The following BCL2L14 variants were observed in gnomAD, a reference collection of about 807,000 sequenced individuals.
BCL2L14 encodes the protein BCL2 like 14.
Under a neutral mutation model 35.3 loss-of-function variants are expected in BCL2L14, and 27 were observed. The observed-to-expected ratio is 0.76, with a 90% confidence interval of 0.56 to 1.05. The LOEUF is 1.05. Ranked by LOEUF, BCL2L14 falls within the 50% of genes least tolerant of loss-of-function variation. The pLI is 0.00. For missense variants in BCL2L14, 377 were observed against 382.6 expected, an observed-to-expected ratio of 0.99 and a Z score of 0.12; for synonymous variants, 139 against 145.9, an observed-to-expected ratio of 0.95 and a Z score of 0.34.
intron 5 of BCL2L14, chr12:12,096,072 C>A: frequency 4.1e-6 from 4 of 985,342 alleles, no homozygotes; most frequent in Non-Finnish European, 4.8e-6. Flanking sequence ...CCCTCATCTG[C>A]CCCAAAGCCT....
chr12:12,077,553 AAGAG>A (rs1003617818), intron 1 of BCL2L14, among the ~76,000 whole-genome samples: 12 of 151,220 alleles, frequency 7.9e-5, no homozygotes, highest in Admixed American at 7.3e-4. Context: ...AAAAAAAAAA[AAGAG>A]AGCCTGGGGC....
upstream of BCL2L14, among the ~76,000 whole-genome samples, chr12:12,070,449 C>T (rs1425392629): frequency 6.6e-6 from 1 of 152,120 alleles, no homozygotes; most frequent in Non-Finnish European, 1.5e-5. Context: ...CTTTGGGAGG[C>T]CGAGGAGGGC....
chr12:12,072,729 G>A (rs1948693630), intron 1 of BCL2L14, among the ~76,000 whole-genome samples: 1 of 152,150 alleles, frequency 6.6e-6, no homozygotes, highest in Non-Finnish European at 1.5e-5. Context: ...TACAATTTCT[G>A]TAGGAAGAGC....
intron 1 of BCL2L14, chr12:12,051,741 A>C (rs1411663575): frequency 6.6e-6 from 1 of 152,212 alleles, no homozygotes; most frequent in East Asian, 1.9e-4. Context: ...TATGCAAAGC[A>C]CCATGCTTGT....
chr12:12,057,900 G>T (rs1266451417), intron 2 of BCL2L14, among the ~76,000 whole-genome samples: 1 of 151,516 alleles, frequency 6.6e-6, no homozygotes, highest in Admixed American at 6.6e-5. Context: ...TGCCTCATGT[G>T]CTCGTGTGAC....
chr12:12,074,024 C>G (rs1011166204), intron 1 of BCL2L14, among the ~76,000 whole-genome samples: 1 of 152,004 alleles, frequency 6.6e-6, no homozygotes, highest in Admixed American at 6.6e-5. Context: ...TGCAAGACAG[C>G]CAGTTATGTT....
At position 12,079,619 on chromosome 12, in the gene BCL2L14, C is replaced by G; in HGVS notation, c.314C>G (p.Ser105Trp). ...AFFGVVEKED[S>W]QSTPAKVSAQ... ...TTTGGAGTAGTGGAGAAGGAAGATT[C>G]GCAGAGCACGCCTGCCAAGGTCTCT... The change falls in exon 2 of 6, where the codon TCG becomes TGG. Residue 105 changes from serine (S) to tryptophan (W), a missense_variant. Coordinates refer to ENST00000308721, the MANE Select transcript of BCL2L14 (RefSeq NM_138723.2). 1 of 1,614,184 alleles carries G rather than the reference C, an allele frequency of 6.2e-7. No individual in the cohort carries two copies. The highest frequency in any genetic ancestry group is 8.5e-7 in the Non-Finnish European group (1 of 1,180,044).
intron 1 of BCL2L14, among the ~76,000 whole-genome samples, chr12:12,075,214 C>T (rs111989601): frequency 6.6e-6 from 1 of 151,928 alleles, no homozygotes; most frequent in Non-Finnish European, 1.5e-5. Flanking sequence ...CCTTTGCCTC[C>T]CAGGTTCAAG....
intron 5 of BCL2L14, among the ~76,000 whole-genome samples, chr12:12,098,242 A>G (rs1167780679): frequency 2.0e-5 from 3 of 152,168 alleles, no homozygotes. Flanking sequence ...CTGTCCTTGT[A>G]GTAGTGTGGG....
At chr12:12,091,257 G>T (rs1591835070) in intron 4 of BCL2L14, among the ~76,000 whole-genome samples, 1 of 152,208 alleles carries the variant, frequency 6.6e-6, no homozygotes, top group East Asian at 1.9e-4. Flanking sequence ...ATACTTTCTG[G>T]AATCTTTTTC....
chr12:12,075,436 T>TC (rs1555089781), intron 1 of BCL2L14, among the ~76,000 whole-genome samples: 7 of 89,836 alleles, frequency 7.8e-5, no homozygotes, highest in Non-Finnish European at 1.6e-4. Context: ...TTTCTTTCTT[T>TC]TTTTTTTGAG....
intron 2 of BCL2L14, among the ~76,000 whole-genome samples, chr12:12,062,624 G>A (rs1407002808): frequency 1.3e-5 from 2 of 151,514 alleles, no homozygotes; most frequent in African/African-American, 4.9e-5. Flanking sequence ...TACTCAACAT[G>A]CCCTGAGTCA....
intron 2 of BCL2L14, among the ~76,000 whole-genome samples, chr12:12,084,349 T>C (rs543890769): frequency 2.0e-5 from 3 of 152,184 alleles, no homozygotes; most frequent in East Asian, 1.9e-4. Context: ...CCAGGGAATA[T>C]AGTTTGTTCA....
chr12:12,087,165 G>C, intron 2 of BCL2L14, 48 bp from the exon 3 acceptor site: 2 of 1,594,576 alleles, frequency 1.3e-6, no homozygotes, highest in South Asian at 2.2e-5. Flanking sequence ...CAATGAGCCA[G>C]ATGAAGTTCT....
chr12:12,081,637 C>G (rs1026944932), intron 2 of BCL2L14, among the ~76,000 whole-genome samples: 2 of 151,556 alleles, frequency 1.3e-5, no homozygotes, highest in African/African-American at 4.8e-5. Flanking sequence ...CGGCTCACTG[C>G]AAGCTCCGCC....
intron 2 of BCL2L14, among the ~76,000 whole-genome samples, chr12:12,085,716 C>T (rs1949028173): frequency 6.6e-6 from 1 of 152,146 alleles, no homozygotes; most frequent in Non-Finnish European, 1.5e-5. Context: ...CTGAAGCCTT[C>T]AGCTTGGAGG....
chr12:12,091,773 G>A (rs1247178164), intron 4 of BCL2L14, among the ~76,000 whole-genome samples: 2 of 152,194 alleles, frequency 1.3e-5, no homozygotes, highest in Admixed American at 1.3e-4. Context: ...GTGAGCTTTG[G>A]GACCACAAGT....
At chr12:12,069,883 T>C (rs1948643402), upstream of BCL2L14, among the ~76,000 whole-genome samples, 3 of 152,236 alleles carry the variant, frequency 2.0e-5, 1 homozygote, top group South Asian at 6.2e-4. Context: ...TGTTTGTCTC[T>C]TGTGGATCTG....
At chr12:12,075,436 T>TCTTTCTTG (rs1555089781) in intron 1 of BCL2L14, among the ~76,000 whole-genome samples, 1 of 89,836 alleles carries the variant, frequency 1.1e-5, no homozygotes, top group East Asian at 4.4e-4. Flanking sequence ...TTTCTTTCTT[T>TCTTTCTTG]TTTTTTTGAG....
Sources: gnomAD v4.1 joint callset for allele counts (sites outside exome capture counted in the v4.1 genomes callset) on GRCh38, gnomAD v4.1.1 for gene constraint, MANE v1.5 for transcripts, NCBI Gene and HGNC (gene_info 2026-07-23, HGNC 2026-07-21) for gene names.